The following GALNT17 variants were observed in gnomAD, a reference collection of about 807,000 sequenced individuals.
GALNT17 encodes the protein polypeptide N-acetylgalactosaminyltransferase 17.
In GALNT17, 29 loss-of-function variants were observed where a neutral mutation model predicts 63.7. That is an observed-to-expected ratio of 0.46 (90% CI 0.34 to 0.62). The LOEUF is 0.62. GALNT17 is among the 20% of genes least tolerant of loss of function. The pLI is 0.01. For missense variants in GALNT17, 603 were observed against 799.6 expected (o/e 0.75, Z 2.97); for synonymous variants, 305 against 318.3 (o/e 0.96, Z 0.45).
At chr7:71,451,875 C>T (rs1012334935) in intron 5 of GALNT17, among the ~76,000 whole-genome samples, 53 of 151,938 alleles carry the variant, frequency 3.5e-4, no homozygotes, top group Non-Finnish European at 5.4e-4. Context: ...TAATTTATTT[C>T]ACCGAATTGT....
intron 6 of GALNT17, among the ~76,000 whole-genome samples, chr7:71,642,852 T>G (rs1016861971): frequency 6.6e-6 from 1 of 151,604 alleles, no homozygotes; most frequent in African/African-American, 2.4e-5. Flanking sequence ...AAAATGAACC[T>G]CTTCTAGATT....
intron 1 of GALNT17, among the ~76,000 whole-genome samples, chr7:71,189,935 C>G (rs540295106): frequency 3.6e-4 from 54 of 151,976 alleles, no homozygotes; most frequent in Non-Finnish European, 6.6e-4. Context: ...ATCAGCCTCC[C>G]GAGTAGCTGG....
chr7:71,361,239 C>G (rs554506152), intron 2 of GALNT17, among the ~76,000 whole-genome samples: 1 of 152,180 alleles, frequency 6.6e-6, no homozygotes, highest in South Asian at 2.1e-4. Flanking sequence ...TAAGAAACAC[C>G]TGGGGGGGTG....
At position 71,243,408 on chromosome 7, in the gene GALNT17, A is replaced by G. The variant is rs574670921; in HGVS notation, c.239-92142A>G. On this transcript the variant is annotated intron_variant, in intron 1 of 10. Coordinates refer to ENST00000333538, the MANE Select transcript of GALNT17 (RefSeq NM_022479.3). ...AATAGACTAATACATCTACTCTTCAATGATTTCAGTGTCTGCTCATCATTC... is the reference window on the plus strand; with the variant it reads ...AATAGACTAATACATCTACTCTTCAGTGATTTCAGTGTCTGCTCATCATTC... Among the ~76,000 whole-genome samples, 15 of 152,268 alleles carry G rather than the reference A, an allele frequency of 9.9e-5. No homozygotes were observed. The East Asian group carries it at 2.5e-3, about 25-fold the overall frequency.
chr7:71,395,548 A>G (rs1055534104), intron 3 of GALNT17, among the ~76,000 whole-genome samples: 2 of 152,226 alleles, frequency 1.3e-5, no homozygotes, highest in East Asian at 3.8e-4. Flanking sequence ...GGCTATGAAT[A>G]TTCATGTACA....
In GALNT17 at chr7:71,242,271, T is replaced by TC. The variant is rs1254775331; in HGVS notation, c.239-93278dup. 5.1e-5 allele frequency among the ~76,000 whole-genome samples: 7 copies of TC among 136,648 alleles called. No individual in the cohort carries two copies. The East Asian group carries it at 1.4e-3, about 28-fold the overall frequency. The allele number at this position is 136,648 out of a possible 152,430, so 89.6% of individuals were successfully genotyped here. On this transcript the variant is annotated intron_variant, in intron 1 of 10. Coordinates refer to ENST00000333538, the MANE Select transcript of GALNT17 (RefSeq NM_022479.3). The stretch of plus-strand genomic sequence containing the variant: ...TTTTTTTTTTTTTTCTTTTTCTTTT[T>TC]CTTTTTTTTTTTTTTTGAGACAGAG...
chr7:71,299,570 C>G (rs1013226575), intron 1 of GALNT17, among the ~76,000 whole-genome samples: 3 of 152,160 alleles, frequency 2.0e-5, no homozygotes, highest in Non-Finnish European at 4.4e-5. Context: ...CAGGTGTCTG[C>G]TGTGTGCACG....
chr7:71,507,530 C>T (rs946860628), intron 5 of GALNT17, among the ~76,000 whole-genome samples: 1 of 152,200 alleles, frequency 6.6e-6, no homozygotes, highest in African/African-American at 2.4e-5. Flanking sequence ...GCAGTCAGCA[C>T]TCACCCTGGG....
At chr7:71,593,259 CTTTTTTT>C (rs56193714) in intron 6 of GALNT17, among the ~76,000 whole-genome samples, 15 of 70,992 alleles carry the variant, frequency 2.1e-4, no homozygotes, top group Admixed American at 4.6e-4. Context: ...ATTTTTCTTC[CTTTTTTT>C]TTTTTTTTTT....
At chr7:71,444,780 T>C (rs1318991937) in intron 5 of GALNT17, among the ~76,000 whole-genome samples, 2 of 152,112 alleles carry the variant, frequency 1.3e-5, no homozygotes, top group African/African-American at 4.8e-5. Context: ...TGAGGCGAGA[T>C]GGTGTCACTG....
At chr7:71,571,954 G>A (rs1026865607) in intron 6 of GALNT17, among the ~76,000 whole-genome samples, 3 of 151,542 alleles carry the variant, frequency 2.0e-5, no homozygotes, top group Non-Finnish European at 2.9e-5. Flanking sequence ...CGAGGCTGCA[G>A]TGAGCTATGA....
chr7:71,702,403 A>G (rs1791664846), intron 9 of GALNT17, among the ~76,000 whole-genome samples: 1 of 152,162 alleles, frequency 6.6e-6, no homozygotes, highest in South Asian at 2.1e-4. Context: ...AGGGAGGCGC[A>G]TGTGGCTGGA....
intron 1 of GALNT17, among the ~76,000 whole-genome samples, chr7:71,175,266 C>T (rs1788617226): frequency 6.6e-6 from 1 of 151,984 alleles, no homozygotes; most frequent in East Asian, 1.9e-4. Context: ...ATCCATCAGT[C>T]TATCTGTCTA....
intron 2 of GALNT17, among the ~76,000 whole-genome samples, chr7:71,346,003 T>C (rs922944305): frequency 1.4e-5 from 2 of 141,610 alleles, no homozygotes; most frequent in Middle Eastern, 3.4e-3. Flanking sequence ...GTTAACACAG[T>C]GAGACCTGTC....
intron 5 of GALNT17, among the ~76,000 whole-genome samples, chr7:71,553,475 GTTTATT>G (rs1334907631): frequency 1.3e-5 from 2 of 152,112 alleles, no homozygotes. Context: ...TCTAAGACAT[GTTTATT>G]TTTAAGACTT....
At chr7:71,214,428 A>T (rs1003220605) in intron 1 of GALNT17, among the ~76,000 whole-genome samples, 1 of 152,186 alleles carries the variant, frequency 6.6e-6, no homozygotes, top group Non-Finnish European at 1.5e-5. Flanking sequence ...TTGCATTAAG[A>T]AGGCATTTCC....
chr7:71,542,276 T>G (rs1788904732), intron 5 of GALNT17, among the ~76,000 whole-genome samples: 1 of 152,070 alleles, frequency 6.6e-6, no homozygotes, highest in Non-Finnish European at 1.5e-5. Context: ...AGGTGGCCCA[T>G]AAATATACTT....
intron 5 of GALNT17, among the ~76,000 whole-genome samples, chr7:71,557,392 A>G (rs1452745036): frequency 6.6e-6 from 1 of 152,142 alleles, no homozygotes; most frequent in Non-Finnish European, 1.5e-5. Context: ...TTCTTGCATC[A>G]GCCCTGGAAG....
intron 3 of GALNT17, among the ~76,000 whole-genome samples, chr7:71,393,725 A>G (rs1050328983): frequency 3.3e-5 from 5 of 152,070 alleles, no homozygotes; most frequent in African/African-American, 1.2e-4. Flanking sequence ...TTGTCAGGGA[A>G]TTTTGTTTTT....
Sources: allele counts gnomAD v4.1 joint callset (sites outside exome capture counted in the v4.1 genomes callset), GRCh38; gene constraint gnomAD v4.1.1; transcripts MANE v1.5; gene names NCBI Gene and HGNC (gene_info 2026-07-23, HGNC 2026-07-21).